Variants in SON observed in about 807,000 individuals in gnomAD.
SON encodes protein SON.
A neutral mutation model predicts 173.3 loss-of-function variants in SON; 4 were observed. That is an observed-to-expected ratio of 0.02 (90% CI 0.01 to 0.05). SON has a LOEUF of 0.05. SON is among the 10% of genes least tolerant of loss of function. The pLI is 1.00. For synonymous variants in SON, 1,190 were observed against 1,105.9 expected (o/e 1.08, Z -1.51); for missense variants, 2,626 against 3,055.3 (o/e 0.86, Z 3.31).
rs758774330 is a variant in SON at position 33,552,931 on chromosome 21, G to C, written c.3700G>C (p.Ala1234Pro). ...AGTGCCTACTGATTATTCAGTGTCA[G>C]CATCAGATCCCTCAGTTTTAGTATC... ...SAVPTDYSVS[A>P]SDPSVLVSEA... Residue 1234 changes from alanine (A) to proline (P), a missense_variant, in exon 3 of 12, where the codon GCA becomes CCA. By Grantham distance (27) the Ala-to-Pro change is conservative. Coordinates refer to ENST00000356577, the MANE Select transcript of SON (RefSeq NM_138927.4). The surrounding 1 kb of genome is among the most constrained non-coding windows in gnomAD (Gnocchi z 5.6). 1.9e-6 allele frequency: 3 copies of C among 1,614,192 alleles called. No homozygotes were observed. The highest frequency in any genetic ancestry group is 1.7e-6 in the Non-Finnish European group (2 of 1,180,030).
intron 1 of SON, chr21:33,543,476 G>A: frequency 2.4e-6 from 1 of 411,984 alleles, no homozygotes; most frequent in Non-Finnish European, 4.5e-6. Flanking sequence ...AGGCCCGGTT[G>A]TCCGCCAGGG....
chr21:33,569,117 C>A, intron 8 of SON, 30 bp downstream of exon 8: 1 of 1,339,556 alleles, frequency 7.5e-7, no homozygotes, highest in South Asian at 1.2e-5. Context: ...ATGAAAGTGT[C>A]GAACAAAAAG....
chr21:33,575,618 A>C lies in SON; in HGVS notation c.7056A>C (p.Arg2352Ser). Residue 2352 changes from arginine (R) to serine (S), a missense_variant, in exon 10 of 12, where the codon AGA (arginine) becomes AGC (serine). Transcript: ENST00000356577. ...DRKGLVAVGE[R>S]AQKRSGNFSA... ...AAGGTCTTGTTGCAGTAGGAGAAAGAGCACAAAAGAGGTCTGGGAACTTCT... is the reference window on the plus strand; with the variant it reads ...AAGGTCTTGTTGCAGTAGGAGAAAGCGCACAAAAGAGGTCTGGGAACTTCT... 6.2e-7 allele frequency: 1 copy of C among 1,611,360 alleles called. No individual in the cohort carries two copies. The highest frequency in any genetic ancestry group is 8.5e-7 in the Non-Finnish European group (1 of 1,179,226).
chr21:33,555,850 T>G (rs924665120), intron 3 of SON, among the ~76,000 whole-genome samples: 1 of 152,192 alleles, frequency 6.6e-6, no homozygotes, highest in Admixed American at 6.5e-5. Flanking sequence ...TGAAGGTAAT[T>G]CTGATTGGTA....
Position 33,559,577 on chromosome 21 carries a change from T to C in SON, c.6469-10T>C, listed in dbSNP as rs1466813417. 1.1e-5 allele frequency: 17 copies of C among 1,600,170 alleles called. No homozygotes were observed. In the African/African-American group the frequency reaches 1.4e-4, roughly 13 times the overall value. ...ATTGAGCTTTAATTAAGAAACACTT[T>C]ATTTTTTAGATTGCTGCAGCAAAAC... On this transcript the variant is annotated splice_polypyrimidine_tract_variant and intron_variant, in intron 5 of 11. Transcript: ENST00000356577. The surrounding 1 kb of genome is among the most constrained non-coding windows in gnomAD (Gnocchi z 4.1).
chr21:33,549,655 T>C lies in SON; in HGVS notation c.424T>C (p.Ser142Pro). ...QPEESESKTK[S>P]HDDGNIDLES... ...AGAAGAATCTGAGTCAAAGACGAAATCTCATGATGATGGGAACATAGATTT... is the reference window on the plus strand; with the variant it reads ...AGAAGAATCTGAGTCAAAGACGAAACCTCATGATGATGGGAACATAGATTT... The change falls in exon 3 of 12, where the codon TCT becomes CCT. Residue 142 changes from serine (S) to proline (P), a missense_variant. Transcript: ENST00000356577. 1 of 1,610,572 alleles carries C rather than the reference T, an allele frequency of 6.2e-7. No homozygotes were observed. The highest frequency in any genetic ancestry group is 1.1e-5 in the South Asian group (1 of 89,438).
chr21:33,554,191 G>A lies in SON; in HGVS notation c.4960G>A (p.Asp1654Asn). 1 of 1,614,168 alleles carries A rather than the reference G, an allele frequency of 6.2e-7. No individual in the cohort carries two copies. The highest frequency in any genetic ancestry group is 8.5e-7 in the Non-Finnish European group (1 of 1,180,028). Residue 1654 changes from aspartate (D) to asparagine (N), a missense_variant, in exon 3 of 12, where the codon GAC becomes AAC. Physicochemically the swap from Asp to Asn is conservative, Grantham distance 23. Coordinates refer to ENST00000356577, the MANE Select transcript of SON (RefSeq NM_138927.4). ...STSPSGGSEA[D>N]IEGPLPAKDI... is the part of the protein sequence containing the mutation. ...CAGTCCTAGTGGTGGTAGTGAAGCT[G>A]ACATTGAAGGGCCTTTGCCTGCTAA...
At position 33,567,488 on chromosome 21, in the gene SON, G is replaced by C; in HGVS notation, c.6768+221G>C. On this transcript the variant is annotated intron_variant, in intron 7 of 11. Transcript: ENST00000356577. ...TACTATGTGGCAGGAACTGTTTCTT[G>C]AGAGAACAAAATAGAAAAATTTCCC... 3 of 514,248 alleles carry C rather than the reference G, an allele frequency of 5.8e-6. No individual in the cohort carries two copies. The South Asian group carries it at 7.8e-5, about 13-fold the overall frequency. 31.9% of individuals were successfully genotyped at this position (514,248 alleles called of 1,614,324 possible).
Position 33,553,196 on chromosome 21 carries a change from C to T in SON, c.3965C>T (p.Ala1322Val), listed in dbSNP as rs764904153. ...FDSMRASGHV[A>V]SEVSTSLLVP... ...TCCATGAGAGCCTCAGGACATGTTG[C>T]CTCAGAAGTATCTACATCCTTGTTG... The change falls in exon 3 of 12, where the codon GCC becomes GTC. Residue 1322 changes from alanine (A) to valine (V), a missense_variant. Ala to Val is a moderately conservative substitution (Grantham distance 64, BLOSUM62 0). Around this residue, in one of 13 missense-constraint regions of SON, gnomAD observed 1,006 missense variants for 895.6 expected, o/e 1.12. Coordinates refer to ENST00000356577, the MANE Select transcript of SON (RefSeq NM_138927.4). 4.3e-6 allele frequency: 7 copies of T among 1,614,040 alleles called. No individual in the cohort carries two copies. In the East Asian group the frequency reaches 1.3e-4, roughly 31 times the overall value.
At chr21:33,573,940 A>C (rs2086343624) in intron 9 of SON, among the ~76,000 whole-genome samples, 3 of 152,302 alleles carry the variant, frequency 2.0e-5, no homozygotes, top group Middle Eastern at 6.8e-3. Flanking sequence ...GTTGGGTTAG[A>C]GTATAGTAGA....
At chr21:33,564,993 T>C (rs1432471471) in intron 6 of SON, among the ~76,000 whole-genome samples, 3 of 151,972 alleles carry the variant, frequency 2.0e-5, no homozygotes, top group Admixed American at 6.6e-5. Flanking sequence ...AGGAAAAACA[T>C]AGTTGTAATT....
rs1439964031 is a variant in SON, at chr21:33,553,627, G to A, written c.4396G>A (p.Ala1466Thr). Residue 1466 changes from alanine to threonine, a missense_variant, in exon 3 of 12, where the codon GCT (alanine) becomes ACT (threonine). By Grantham distance (58) the Ala-to-Thr change is moderately conservative. Around this residue, in one of 13 missense-constraint regions of SON, gnomAD observed 1,006 missense variants for 895.6 expected, o/e 1.12. Transcript: ENST00000356577. ...GACTCAAGTAATACCAACTGAGGTG[G>A]CTATAGAGTCCACACCAATGATACT... ...EQTQVIPTEV[A>T]IESTPMILES... 4 of 1,613,718 alleles carry A rather than the reference G, an allele frequency of 2.5e-6. No homozygotes were observed. In the African/African-American group the frequency reaches 5.3e-5, roughly 22 times the overall value.
At chr21:33,570,255 C>T (rs1176282135) in intron 8 of SON, 1 of 152,136 alleles carries the variant, frequency 6.6e-6, no homozygotes, top group Non-Finnish European at 1.5e-5. Context: ...TAATCAGTAA[C>T]GTGATGGTTA....
intron 8 of SON, 46 bp from the exon 9 acceptor site, chr21:33,573,262 T>G: frequency 6.6e-7 from 1 of 1,518,676 alleles, no homozygotes; most frequent in South Asian, 1.2e-5. Context: ...TGTCACCAAG[T>G]TCTAACTGTA....
chr21:33,557,703 A>G, intron 4 of SON: 6 of 1,437,598 alleles, frequency 4.2e-6, no homozygotes, highest in Non-Finnish European at 5.5e-6. Flanking sequence ...GACACAGACA[A>G]TCTTCAGAAA....
intron 3 of SON, among the ~76,000 whole-genome samples, chr21:33,556,768 G>A (rs1264467015): frequency 4.6e-5 from 7 of 151,752 alleles, no homozygotes; most frequent in Non-Finnish European, 8.8e-5. Flanking sequence ...GTGATTTAAG[G>A]TGTCAGAAGG....
At chr21:33,546,469 T>G (rs2085619572) in intron 2 of SON, 90 bp downstream of exon 2, 1 of 1,030,178 alleles carries the variant, frequency 9.7e-7, no homozygotes, top group Admixed American at 2.5e-5. Context: ...ACTTCAGTAT[T>G]TAAGATATTT....
rs750858652 is a variant in SON, at chr21:33,551,391, C to A, written c.2160C>A (p.Thr720=). The change falls in exon 3 of 12, where the codon ACC becomes ACA. Residue 720 remains threonine (T), a synonymous_variant. Transcript: ENST00000356577. ...AATCCCATATATTAGCTTCTAACAC[C>A]ATGGAGACCCATATATTAGCATCCA... ...APESHILASN[T]METHILASNT... The A allele has an allele frequency of 1.2e-6, 2 of 1,614,116 alleles. No individual in the cohort carries two copies. Among genetic ancestry groups the A allele is most frequent in the Non-Finnish European group, 1.7e-6 (2 of 1,179,994 alleles).
intron 7 of SON, 57 bp downstream of exon 7, chr21:33,567,324 T>TG (rs1170369425): frequency 4.2e-6 from 4 of 950,190 alleles, no homozygotes; most frequent in Admixed American, 1.8e-5. Context: ...CTCACACCAA[T>TG]GTACCAGTTT....
Sources: allele counts gnomAD v4.1 joint callset (sites outside exome capture counted in the v4.1 genomes callset), GRCh38; gene constraint gnomAD v4.1.1; regional missense constraint gnomAD v4.1.1; non-coding constraint Gnocchi (gnomAD v3.1); transcripts MANE v1.5; gene names NCBI Gene and HGNC (gene_info 2026-07-23, HGNC 2026-07-21).